The following ATRNL1 variants were observed in gnomAD, a reference collection of about 807,000 sequenced individuals.
ATRNL1 encodes the protein attractin-like protein 1.
A neutral mutation model predicts 182.7 loss-of-function variants in ATRNL1; 95 were observed. The observed-to-expected ratio is 0.52, with a 90% CI of 0.44 to 0.62. The LOEUF (loss-of-function observed/expected upper bound fraction) is 0.62, where lower values mean the gene tolerates loss of function less well. Among genes scored for constraint, ATRNL1 ranks in the 20% least tolerant of loss-of-function variants. The probability of loss-of-function intolerance (pLI) is 0.00; values close to 1 mark genes in which losing one functional copy is unlikely to be tolerated. For synonymous variants in ATRNL1, 576 were observed against 568.3 expected (o/e 1.01, Z -0.19); for missense variants, 1,471 against 1,679.5 (o/e 0.88, Z 2.17).
At chr10:115,903,063 G>A (rs534239716) in intron 28 of ATRNL1, among the ~76,000 whole-genome samples, 31 of 152,246 alleles carry the variant, frequency 2.0e-4, no homozygotes, top group African/African-American at 6.3e-4. Context: ...TATACCTTAT[G>A]AAAGTTTTAA....
Position 115,318,717 on chromosome 10 carries a change from T to C in ATRNL1, c.3037+2981T>C, listed in dbSNP as rs1289136984. On this transcript the variant is annotated intron_variant, in intron 18 of 28. Coordinates refer to ENST00000355044, the MANE Select transcript of ATRNL1 (RefSeq NM_207303.4). ...GTATTCTCTGATGGTAGTCTATATT[T>C]CTGTGGGGTCAGTGGTCATATCCCC... Among the ~76,000 whole-genome samples, 5 of 152,174 alleles carry C rather than the reference T, an allele frequency of 3.3e-5. 1 individual carries two copies. Among genetic ancestry groups the C allele is most frequent in the Admixed American group, 3.3e-4 (5 of 15,266 alleles).
At chr10:115,842,311 A>T (rs955027707) in intron 27 of ATRNL1, among the ~76,000 whole-genome samples, 1 of 152,114 alleles carries the variant, frequency 6.6e-6, no homozygotes, top group South Asian at 2.1e-4. Context: ...ATCATATGGT[A>T]TAAAAATGTT....
chr10:115,752,679 A>G (rs1555070906), intron 27 of ATRNL1, among the ~76,000 whole-genome samples: 1 of 152,064 alleles, frequency 6.6e-6, no homozygotes, highest in East Asian at 1.9e-4. Context: ...TATTTTAAAG[A>G]AGCCTCTATA....
chr10:115,372,728 C>G (rs1484022734), intron 19 of ATRNL1, among the ~76,000 whole-genome samples: 3 of 152,068 alleles, frequency 2.0e-5, no homozygotes, highest in African/African-American at 7.2e-5. Context: ...TTTCATCAAT[C>G]ATATGTCTGC....
intron 20 of ATRNL1, among the ~76,000 whole-genome samples, chr10:115,402,404 A>G (rs1220698336): frequency 1.3e-5 from 2 of 152,150 alleles, no homozygotes; most frequent in Non-Finnish European, 2.9e-5. Flanking sequence ...GAACTCCATA[A>G]TTATGGAAAT....
chr10:115,815,483 G>A (rs1950143499), intron 27 of ATRNL1, among the ~76,000 whole-genome samples: 1 of 132 alleles, frequency 7.6e-3, no homozygotes. Context: ...AAATTCATAA[G>A]TTTCCACTTG....
intron 27 of ATRNL1, among the ~76,000 whole-genome samples, chr10:115,784,422 G>T (rs562408748): frequency 6.6e-6 from 1 of 152,326 alleles, no homozygotes; most frequent in African/African-American, 2.4e-5. Context: ...AATCCGAAAA[G>T]ATTTTCACAG....
chr10:115,880,777 CG>C (rs1403954992), intron 28 of ATRNL1, among the ~76,000 whole-genome samples: 1 of 152,144 alleles, frequency 6.6e-6, no homozygotes, highest in Non-Finnish European at 1.5e-5. Flanking sequence ...TGTGCATGTA[CG>C]AGTAGTTAAA....
intron 28 of ATRNL1, among the ~76,000 whole-genome samples, chr10:115,865,032 T>A (rs1470535981): frequency 1.3e-5 from 2 of 150,852 alleles, no homozygotes; most frequent in Non-Finnish European, 3.0e-5. Flanking sequence ...AGGGACAGTT[T>A]ACAAAACAAA....
intron 28 of ATRNL1, among the ~76,000 whole-genome samples, chr10:115,871,938 G>A (rs1951595574): frequency 6.6e-6 from 1 of 152,250 alleles, no homozygotes; most frequent in Admixed American, 6.5e-5. Context: ...TTAAGTGTGT[G>A]TTCTCCCATT....
intron 26 of ATRNL1, among the ~76,000 whole-genome samples, chr10:115,722,322 C>T (rs1344120194): frequency 6.6e-6 from 1 of 152,036 alleles, no homozygotes; most frequent in Non-Finnish European, 1.5e-5. Flanking sequence ...CCCATAATGA[C>T]TAACATCACT....
At chr10:115,392,339 G>A (rs1325289252) in intron 19 of ATRNL1, among the ~76,000 whole-genome samples, 1 of 151,862 alleles carries the variant, frequency 6.6e-6, no homozygotes, top group Non-Finnish European at 1.5e-5. Context: ...TATATTCAGT[G>A]CAATACATTT....
intron 26 of ATRNL1, among the ~76,000 whole-genome samples, chr10:115,637,690 T>C (rs1393258457): frequency 6.6e-6 from 1 of 150,878 alleles, no homozygotes; most frequent in Non-Finnish European, 1.5e-5. Context: ...AGTGGTGCAA[T>C]CTTGGCTCAC....
intron 24 of ATRNL1, among the ~76,000 whole-genome samples, chr10:115,480,207 A>AACACACACACAC (rs72119794): frequency 5.2e-4 from 77 of 146,750 alleles, no homozygotes; most frequent in African/African-American, 1.9e-3. Flanking sequence ...GAGTCATTTG[A>AACACACACACAC]ACACACACAC....
chr10:115,927,733 T>A (rs7087717), intron 28 of ATRNL1, among the ~76,000 whole-genome samples: 9,482 of 152,110 alleles, frequency 0.062, 832 homozygotes, highest in African/African-American at 0.19. Flanking sequence ...AATATTTTAT[T>A]GACTTGTCAA....
chr10:115,936,400 G>T (rs1953559861), intron 28 of ATRNL1, among the ~76,000 whole-genome samples: 1 of 152,166 alleles, frequency 6.6e-6, no homozygotes. Flanking sequence ...AATCCTTGGG[G>T]ACTAAAGCAG....
At position 115,609,072 on chromosome 10, in the gene ATRNL1, T is replaced by C. The variant is rs527720030; in HGVS notation, c.3795+59536T>C. Among the ~76,000 whole-genome samples the C allele has an allele frequency of 7.9e-5, 12 of 152,106 alleles. No homozygotes were observed. In the East Asian group the frequency reaches 1.9e-3, roughly 24 times the overall value. On this transcript the variant is annotated intron_variant, in intron 26 of 28. Coordinates refer to ENST00000355044, the MANE Select transcript of ATRNL1 (RefSeq NM_207303.4). The stretch of plus-strand genomic sequence containing the variant: ...TTAAATAAAATATTATAAGTTAAGT[T>C]GAAATGTTTATCTATTTTTATGTTA...
At chr10:115,569,766 TC>T (rs2133859118) in intron 26 of ATRNL1, among the ~76,000 whole-genome samples, 2 of 98,202 alleles carry the variant, frequency 2.0e-5, no homozygotes, top group East Asian at 7.2e-4. Context: ...ACCATTTAAT[TC>T]TTTAAATACT....
chr10:115,934,350 G>C (rs537535918), intron 28 of ATRNL1, among the ~76,000 whole-genome samples: 1 of 152,230 alleles, frequency 6.6e-6, no homozygotes, highest in African/African-American at 2.4e-5. Flanking sequence ...TTCCATCTAT[G>C]CTAATTACTC....
Sources: gnomAD v4.1 joint callset for allele counts (sites outside exome capture counted in the v4.1 genomes callset) on GRCh38, gnomAD v4.1.1 for gene constraint, MANE v1.5 for transcripts, NCBI Gene and HGNC (gene_info 2026-07-23, HGNC 2026-07-21) for gene names.